The following TTC39B variants were observed in gnomAD, a reference collection of about 807,000 sequenced individuals.
TTC39B encodes tetratricopeptide repeat protein 39B.
In TTC39B, 92 loss-of-function variants were observed where a neutral mutation model predicts 96.6. The observed-to-expected ratio is 0.95, with a 90% CI of 0.80 to 1.13. The LOEUF is 1.13. Ranked by LOEUF, TTC39B falls within the 50% of genes most tolerant of loss-of-function variation. The pLI is 0.00. For synonymous variants in TTC39B, 367 were observed against 299.4 expected (o/e 1.23, Z -2.33); for missense variants, 955 against 809.3 (o/e 1.18, Z -2.18).
In TTC39B at chr9:15,306,159, G is replaced by C. The variant is rs2131631223; in HGVS notation, c.240+925C>G. ...CAAAGCCTTCTAAAGGCAGCGACTC[G>C]CACAATTCAAGTCAGGTAAGATGGC... On this transcript the variant is annotated intron_variant, in intron 1 of 19. Transcript: ENST00000512701. This position sits in a 1 kb window ranked among gnomAD's most constrained non-coding sequence, Gnocchi z 5.1. Among the ~76,000 whole-genome samples the C allele has an allele frequency of 6.6e-6, 1 of 152,296 alleles. No homozygotes were observed. Among genetic ancestry groups the C allele is most frequent in the Admixed American group, 6.5e-5 (1 of 15,304 alleles).
At chr9:15,166,519 T>C (rs1463968966) in exon 20 of TTC39B, 2 of 152,220 alleles carry the variant, frequency 1.3e-5, no homozygotes, top group Non-Finnish European at 2.9e-5. Flanking sequence ...AACAGTCCTC[T>C]AAGAGGACAG....
chr9:15,168,276 G>C (rs1296495481), exon 20 of TTC39B: 2 of 152,162 alleles, frequency 1.3e-5, no homozygotes, highest in Non-Finnish European at 2.9e-5. Flanking sequence ...AGGCTCATGA[G>C]GGCAAGGTAA....
At chr9:15,173,340 A>G (rs764689839) in intron 19 of TTC39B, among the ~76,000 whole-genome samples, 2 of 152,180 alleles carry the variant, frequency 1.3e-5, no homozygotes, top group Non-Finnish European at 2.9e-5. Flanking sequence ...TGGCTCTACC[A>G]TGCCCGTAAA....
rs1461409784 is a variant in TTC39B at position 15,187,878 on chromosome 9, G to A, written c.1395+93C>T. On this transcript the variant is annotated intron_variant, in intron 14 of 19. Coordinates refer to ENST00000512701, the Ensembl canonical transcript of TTC39B. ...GATCTCTAAGTTGAGAAAACACTGT[G>A]GTATCATACTACTGAGCAAACAGTC... 10 of 1,279,354 alleles carry A rather than the reference G, an allele frequency of 7.8e-6. No homozygotes were observed. In the East Asian group the frequency reaches 2.3e-4, roughly 29 times the overall value. The allele number at this position is 1,279,354 out of a possible 1,614,324, so 79.3% of individuals were successfully genotyped here.
chr9:15,168,186 T>G (rs1007195988), exon 20 of TTC39B: 1 of 152,146 alleles, frequency 6.6e-6, no homozygotes, highest in African/African-American at 2.4e-5. Context: ...TGTAAGCCAT[T>G]CCGGGTGCTC....
chr9:15,244,924 T>C (rs1484323589), intron 2 of TTC39B, among the ~76,000 whole-genome samples: 1 of 151,234 alleles, frequency 6.6e-6, no homozygotes, highest in Non-Finnish European at 1.5e-5. Flanking sequence ...TTTATTTGCC[T>C]CATGATCCAT....
intron 8 of TTC39B, among the ~76,000 whole-genome samples, chr9:15,194,888 C>G (rs924222861): frequency 1.3e-5 from 2 of 152,210 alleles, no homozygotes; most frequent in Non-Finnish European, 2.9e-5. Context: ...CCTCCTCAGG[C>G]CTCCCTATTC....
At chr9:15,164,887 C>T (rs1293830787) in exon 20 of TTC39B, 1 of 152,150 alleles carries the variant, frequency 6.6e-6, no homozygotes, top group Non-Finnish European at 1.5e-5. Flanking sequence ...TTAAAGAGAA[C>T]CCAACAGTGC....
At chr9:15,176,990 C>T (rs1817975247) in intron 18 of TTC39B, among the ~76,000 whole-genome samples, 1 of 152,108 alleles carries the variant, frequency 6.6e-6, no homozygotes, top group African/African-American at 2.4e-5. Flanking sequence ...GAAGAACTGC[C>T]CTTTGCCAAA....
At chr9:15,279,119 C>T (rs1472784378) in intron 1 of TTC39B, among the ~76,000 whole-genome samples, 1 of 152,198 alleles carries the variant, frequency 6.6e-6, no homozygotes, top group Non-Finnish European at 1.5e-5. Flanking sequence ...ACAGTATCAA[C>T]AAAACAGACA....
At chr9:15,218,635 A>AAAAAATATAT (rs374054306) in intron 3 of TTC39B, among the ~76,000 whole-genome samples, 6 of 149,530 alleles carry the variant, frequency 4.0e-5, no homozygotes, top group African/African-American at 7.4e-5. Context: ...GTCTATTTTA[A>AAAAAATATAT]ATATATATAT....
chr9:15,191,593 G>A (rs1432065362), intron 9 of TTC39B, among the ~76,000 whole-genome samples: 4 of 152,100 alleles, frequency 2.6e-5, no homozygotes, highest in African/African-American at 4.8e-5. Context: ...TTTCCCAGAA[G>A]CAAAAATCAG....
intron 3 of TTC39B, among the ~76,000 whole-genome samples, chr9:15,221,143 C>T (rs1223660741): frequency 6.6e-6 from 1 of 152,126 alleles, no homozygotes. Context: ...GCAGATACCC[C>T]GTTTCACAAC....
At chr9:15,294,073 G>A (rs1445832389) in intron 1 of TTC39B, among the ~76,000 whole-genome samples, 1 of 152,160 alleles carries the variant, frequency 6.6e-6, no homozygotes, top group African/African-American at 2.4e-5. Flanking sequence ...TAATTCTGCT[G>A]AAGTTTTTAT....
At chr9:15,235,796 C>A (rs1213928220) in intron 2 of TTC39B, among the ~76,000 whole-genome samples, 1 of 152,182 alleles carries the variant, frequency 6.6e-6, no homozygotes, top group Admixed American at 6.5e-5. Context: ...ACCTATCCTA[C>A]AAGAAATGCT....
At chr9:15,247,795 T>C (rs1221941718) in intron 2 of TTC39B, among the ~76,000 whole-genome samples, 3 of 150,824 alleles carry the variant, frequency 2.0e-5, no homozygotes, top group South Asian at 4.2e-4. Flanking sequence ...TGTTTCATAA[T>C]AGCATGATAT....
At chr9:15,207,676 G>A (rs1239921783) in intron 6 of TTC39B, among the ~76,000 whole-genome samples, 4 of 152,040 alleles carry the variant, frequency 2.6e-5, no homozygotes, top group African/African-American at 9.7e-5. Flanking sequence ...AGCACATACA[G>A]GATGCTTTTT....
intron 2 of TTC39B, among the ~76,000 whole-genome samples, chr9:15,233,202 C>T (rs1229784579): frequency 2.0e-5 from 3 of 152,126 alleles, no homozygotes; most frequent in African/African-American, 7.2e-5. Context: ...CTAGGTCCTC[C>T]GTGAGAGAAA....
At chr9:15,286,400 T>C (rs1010139949) in intron 1 of TTC39B, among the ~76,000 whole-genome samples, 1 of 152,232 alleles carries the variant, frequency 6.6e-6, no homozygotes, top group African/African-American at 2.4e-5. Context: ...TCTCTGATGT[T>C]TCCTTGTGAT....
Sources: allele counts gnomAD v4.1 joint callset (sites outside exome capture counted in the v4.1 genomes callset), GRCh38; gene constraint gnomAD v4.1.1; non-coding constraint Gnocchi (gnomAD v3.1); transcripts MANE v1.5; gene names NCBI Gene and HGNC (gene_info 2026-07-23, HGNC 2026-07-21).